ZNF723: variants seen among roughly 807,000 people sequenced by gnomAD.
The protein encoded by ZNF723 is zinc finger protein 723, also known as zinc finger protein 723, pseudogene.
Under a neutral mutation model 9.4 loss-of-function variants are expected in ZNF723, and 5 were observed. The ratio of observed to expected loss-of-function variants is 0.53; its 90% CI spans 0.28 to 1.12. ZNF723 has a LOEUF of 1.12. ZNF723 is among the 50% of genes most tolerant of loss of function. The pLI is 0.10. For synonymous variants in ZNF723, 158 were observed against 168.8 expected (o/e 0.94, Z 0.49); for missense variants, 450 against 501.5 (o/e 0.90, Z 0.98).
chr19:22,831,295 T>G (rs1010352225), upstream of ZNF723, among the ~76,000 whole-genome samples: 2 of 152,122 alleles, frequency 1.3e-5, no homozygotes, highest in Non-Finnish European at 2.9e-5. Context: ...AGTGACTCAC[T>G]CCTGCAATCC....
intron 1 of ZNF723, chr19:22,840,323 CA>C (rs1489465662): frequency 6.9e-6 from 1 of 145,754 alleles, no homozygotes; most frequent in African/African-American, 2.7e-5. Context: ...AGGCATGCGC[CA>C]CCATGCCTGG....
At chr19:22,836,291 G>A (rs1295362065) in intron 1 of ZNF723, among the ~76,000 whole-genome samples, 1 of 152,146 alleles carries the variant, frequency 6.6e-6, no homozygotes, top group Non-Finnish European at 1.5e-5. Flanking sequence ...AAGATGGAAT[G>A]GGACTGAAAG....
intron 3 of ZNF723, among the ~76,000 whole-genome samples, chr19:22,853,791 T>C (rs1967430539): frequency 1.3e-5 from 2 of 152,098 alleles, no homozygotes; most frequent in African/African-American, 4.8e-5. Flanking sequence ...TTTTTGTATT[T>C]TTAGTAGAGA....
intron 1 of ZNF723, among the ~76,000 whole-genome samples, chr19:22,832,598 G>C (rs921233274): frequency 6.6e-6 from 1 of 152,196 alleles, no homozygotes; most frequent in Non-Finnish European, 1.5e-5. Context: ...CAGTGACCGT[G>C]CCCTGGCCTG....
the ZNF723 span, among the ~76,000 whole-genome samples, chr19:22,819,543 T>C: frequency 6.6e-6 from 1 of 152,258 alleles, no homozygotes; most frequent in South Asian, 2.1e-4. Flanking sequence ...GCCCAGCACC[T>C]ATGTGATGTG....
intron 1 of ZNF723, among the ~76,000 whole-genome samples, chr19:22,844,653 CCA>C (rs1363618549): frequency 6.6e-6 from 1 of 152,146 alleles, no homozygotes; most frequent in Non-Finnish European, 1.5e-5. Flanking sequence ...CTTTAAAGAA[CCA>C]GCAAAGAATT....
chr19:22,814,484 AT>A, the ZNF723 span, among the ~76,000 whole-genome samples: 2 of 152,166 alleles, frequency 1.3e-5, no homozygotes, highest in Admixed American at 6.5e-5. Flanking sequence ...TGGTCCACAG[AT>A]GTTTTGTTGA....
At chr19:22,845,072 T>C (rs1352391511) in intron 1 of ZNF723, among the ~76,000 whole-genome samples, 1 of 152,122 alleles carries the variant, frequency 6.6e-6, no homozygotes, top group Non-Finnish European at 1.5e-5. Flanking sequence ...TGAGCCGATA[T>C]CACGCCACTG....
intron 1 of ZNF723, 60 bp downstream of exon 1, chr19:22,832,442 A>C: frequency 7.4e-7 from 1 of 1,347,416 alleles, no homozygotes; most frequent in Non-Finnish European, 1.0e-6. Flanking sequence ...ACCGGTGGGA[A>C]GTGGCTGTGG....
chr19:22,817,700 G>C, the ZNF723 span, among the ~76,000 whole-genome samples: 2 of 152,128 alleles, frequency 1.3e-5, no homozygotes, highest in Non-Finnish European at 2.9e-5. Flanking sequence ...CAGCTCATAG[G>C]TATGATTATG....
chr19:22,835,071 T>G (rs1049273170), intron 1 of ZNF723, among the ~76,000 whole-genome samples: 6 of 10,162 alleles, frequency 5.9e-4, no homozygotes, highest in Non-Finnish European at 2.4e-3. Context: ...TGTTGGTTGT[T>G]TTTTTTTTTT....
chr19:22,857,389 A>T lies in ZNF723; in HGVS notation c.498A>T (p.Arg166Ser). Residue 166 changes from arginine (R) to serine (S), a missense_variant, in exon 4 of 4, where the codon AGA becomes AGT. Coordinates refer to ENST00000600766, the MANE Select transcript of ZNF723 (RefSeq NM_001349726.2). ...KFSSSNSQKIRHTGNNSFKCK... is the reference protein window; with the variant it reads ...KFSSSNSQKISHTGNNSFKCK... ...CAAGTTCAAATAGCCAGAAGATAAG[A>T]CATACTGGAAATAATTCTTTCAAAT... is the stretch of plus-strand genomic sequence containing the variant. 1.2e-6 allele frequency: 1 copy of T among 839,284 alleles called. No homozygotes were observed. 52.0% of individuals were successfully genotyped at this position (839,284 alleles called of 1,614,324 possible). A position where few individuals can be genotyped will look rare whatever the true frequency, so the allele number is the denominator to read the frequency against.
At chr19:22,820,746 C>G in the ZNF723 span, among the ~76,000 whole-genome samples, 1 of 152,190 alleles carries the variant, frequency 6.6e-6, no homozygotes, top group East Asian at 1.9e-4. Context: ...ATCATATGGT[C>G]CAGCACGGCA....
At chr19:22,831,331 C>T (rs1239200066), upstream of ZNF723, among the ~76,000 whole-genome samples, 4 of 151,966 alleles carry the variant, frequency 2.6e-5, no homozygotes, top group East Asian at 3.9e-4. Flanking sequence ...CCGAGGCGGG[C>T]GGATCACCTG....
chr19:22,818,548 A>G, the ZNF723 span, among the ~76,000 whole-genome samples: 2 of 152,188 alleles, frequency 1.3e-5, no homozygotes, highest in Admixed American at 6.5e-5. Flanking sequence ...ATTGTGACTC[A>G]TGTACTTTTA....
intron 3 of ZNF723, among the ~76,000 whole-genome samples, chr19:22,852,667 T>A (rs1407012751): frequency 6.6e-6 from 1 of 152,200 alleles, no homozygotes; most frequent in African/African-American, 2.4e-5. Flanking sequence ...TCATTTTTAC[T>A]TGTCAAAAAC....
intron 3 of ZNF723, among the ~76,000 whole-genome samples, chr19:22,849,568 T>A (rs7253127): frequency 0.14 from 21,607 of 152,188 alleles, 1,511 homozygotes; most frequent in East Asian, 0.18. Flanking sequence ...CTGCACAATC[T>A]ACTTTTTCAT....
At chr19:22,818,218 T>C in the ZNF723 span, among the ~76,000 whole-genome samples, 17 of 151,872 alleles carry the variant, frequency 1.1e-4, no homozygotes, top group South Asian at 3.3e-3. Flanking sequence ...AGGTATATCA[T>C]ATAAATTCAT....
upstream of ZNF723, among the ~76,000 whole-genome samples, chr19:22,831,996 A>C (rs1351112465): frequency 6.6e-6 from 1 of 152,250 alleles, no homozygotes; most frequent in African/African-American, 2.4e-5. Context: ...AAATTTTAAA[A>C]TAGCTGTTAT....
Sources: gnomAD v4.1 joint callset for allele counts (sites outside exome capture counted in the v4.1 genomes callset) on GRCh38, gnomAD v4.1.1 for gene constraint, MANE v1.5 for transcripts, NCBI Gene and HGNC (gene_info 2026-07-23, HGNC 2026-07-21) for gene names.